The following PCDHA11 variants were observed in gnomAD, a reference collection of about 807,000 sequenced individuals.
The protein encoded by PCDHA11 is protocadherin alpha 11.
In PCDHA11, 61 loss-of-function variants were observed where a neutral mutation model predicts 70.3. The observed-to-expected ratio is 0.87, with a 90% CI of 0.71 to 1.07. The LOEUF is 1.07. Among genes scored for constraint, PCDHA11 ranks in the 50% least tolerant of loss-of-function variants. PCDHA11 has a pLI of 0.00. For missense variants in PCDHA11, 1,324 were observed against 1,237.5 expected, an observed-to-expected ratio of 1.07 and a Z score of -1.05; for synonymous variants, 633 against 555.1, an observed-to-expected ratio of 1.14 and a Z score of -1.97.
intron 1 of PCDHA11, among the ~76,000 whole-genome samples, chr5:140,907,506 A>G (rs1418997042): frequency 2.6e-5 from 4 of 152,234 alleles, no homozygotes; most frequent in Non-Finnish European, 5.9e-5. Flanking sequence ...GTAAGTGTCT[A>G]TTCCAGTGAG....
At chr5:140,904,015 A>G (rs1374371306) in intron 1 of PCDHA11, among the ~76,000 whole-genome samples, 1 of 152,234 alleles carries the variant, frequency 6.6e-6, no homozygotes, top group Non-Finnish European at 1.5e-5. Context: ...ACTTTAAAAA[A>G]TAATGGTATA....
intron 1 of PCDHA11, among the ~76,000 whole-genome samples, chr5:140,975,809 TA>T (rs146252033): frequency 0.06 from 9,090 of 152,310 alleles, 381 homozygotes; most frequent in East Asian, 0.11. Context: ...TTTATAATTT[TA>T]ATAGGAACTG....
In PCDHA11 at chr5:140,869,228, G is replaced by T. The variant is rs782726206; in HGVS notation, c.125G>T (p.Gly42Val). Residue 42 changes from glycine to valine, a missense_variant, in exon 1 of 4, where the codon GGC (glycine) becomes GTC (valine). By Grantham distance (109) the Gly-to-Val change is moderately radical. Transcript: ENST00000398640. ...HYSVSEEAKH[G>V]TFVGRIAQDL... ...TCCGTCTCGGAGGAGGCCAAACACG[G>T]CACCTTCGTGGGCCGCATCGCGCAG... 6.2e-7 allele frequency: 1 copy of T among 1,613,764 alleles called. No homozygotes were observed. Among genetic ancestry groups the T allele is most frequent in the South Asian group, 1.1e-5 (1 of 91,060 alleles).
At chr5:140,986,899 C>G (rs2097217128) in intron 3 of PCDHA11, among the ~76,000 whole-genome samples, 1 of 152,072 alleles carries the variant, frequency 6.6e-6, no homozygotes, top group African/African-American at 2.4e-5. Flanking sequence ...AGGCCCTATC[C>G]TAGACTAATG....
Position 140,869,468 on chromosome 5 carries a change from A to T in PCDHA11, c.365A>T (p.Glu122Val), listed in dbSNP as rs1221686748. ...CTGCAGGTTTTCCATGTGAACGTGGAGGTGAAGGACATTAACGACAACCCG... is the reference window on the plus strand; with the variant it reads ...CTGCAGGTTTTCCATGTGAACGTGGTGGTGAAGGACATTAACGACAACCCG... ...RPLQVFHVNV[E>V]VKDINDNPPV... Residue 122 changes from glutamate to valine, a missense_variant, in exon 1 of 4, where the codon GAG (glutamate) becomes GTG (valine). By Grantham distance (121) the Glu-to-Val change is moderately radical. Transcript: ENST00000398640. The T allele has an allele frequency of 1.9e-5, 31 of 1,614,054 alleles. No homozygotes were observed. Among genetic ancestry groups the T allele is most frequent in the Non-Finnish European group, 2.6e-5 (31 of 1,180,044 alleles).
At chr5:140,886,916 G>A (rs1170747823) in intron 1 of PCDHA11, among the ~76,000 whole-genome samples, 1 of 151,436 alleles carries the variant, frequency 6.6e-6, no homozygotes, top group Non-Finnish European at 1.5e-5. Flanking sequence ...CTTATTGAGT[G>A]TTCTCTATGT....
intron 3 of PCDHA11, among the ~76,000 whole-genome samples, chr5:140,990,165 G>A (rs2097378132): frequency 6.6e-6 from 1 of 152,126 alleles, no homozygotes; most frequent in African/African-American, 2.4e-5. Flanking sequence ...GTTAGGGTAT[G>A]AAAAGGTGAC....
rs1214485732 is a variant in PCDHA11, at chr5:141,010,285, C to T, written c.*348C>T. On this transcript the variant is annotated 3_prime_UTR_variant, in exon 4 of 4. Coordinates refer to ENST00000398640, the MANE Select transcript of PCDHA11 (RefSeq NM_018902.5). The stretch of plus-strand genomic sequence containing the variant: ...CTCCGGGGATCCTGTCTTGATGACA[C>T]TTGCAGGGCAGGCTGAAAAGTTTTG... The T allele has an allele frequency of 1.3e-6, 2 of 1,550,458 alleles. No homozygotes were observed. The highest frequency in any genetic ancestry group is 1.7e-6 in the Non-Finnish European group (2 of 1,146,698).
chr5:140,877,224 G>T, intron 1 of PCDHA11: 1 of 1,613,712 alleles, frequency 6.2e-7, no homozygotes, highest in Non-Finnish European at 8.5e-7. Flanking sequence ...TACCGCGGTC[G>T]GTGGGTGCGG....
chr5:140,985,845 C>T (rs1381097554), intron 3 of PCDHA11, among the ~76,000 whole-genome samples: 1 of 150,700 alleles, frequency 6.6e-6, no homozygotes, highest in African/African-American at 2.4e-5. Flanking sequence ...GTTCATGCCA[C>T]TCTCCTGCCT....
chr5:140,917,249 G>A (rs1439724525), intron 1 of PCDHA11, among the ~76,000 whole-genome samples: 1 of 149,466 alleles, frequency 6.7e-6, no homozygotes, highest in African/African-American at 2.5e-5. Flanking sequence ...TACTACGATT[G>A]CTCACCTGAT....
intron 1 of PCDHA11, chr5:140,928,055 C>T (rs1554205406): frequency 8.1e-6 from 13 of 1,614,066 alleles, no homozygotes; most frequent in South Asian, 3.3e-5. Context: ...TTTCAGCTGA[C>T]GGCTTCCTTT....
chr5:140,884,503 A>C (rs782488569), intron 1 of PCDHA11: 82 of 1,613,940 alleles, frequency 5.1e-5, no homozygotes, highest in Middle Eastern at 1.6e-4. Flanking sequence ...CCAGCGCGGC[A>C]GGGAGTTGGT....
chr5:140,982,582 T>C lies in PCDHA11; in HGVS notation c.2539+19T>C. On this transcript the variant is annotated intron_variant, in intron 3 of 3. Transcript: ENST00000398640. ...ACACCAGGTAAAGAGCTGGGGTCTC[T>C]CCATTCTTTCTTGGTTTCTGGAAAG... 6.2e-7 allele frequency: 1 copy of C among 1,612,148 alleles called. No homozygotes were observed. Among genetic ancestry groups the C allele is most frequent in the Non-Finnish European group, 8.5e-7 (1 of 1,178,720 alleles).
At chr5:140,956,594 T>C (rs2095295015) in intron 1 of PCDHA11, among the ~76,000 whole-genome samples, 1 of 152,210 alleles carries the variant, frequency 6.6e-6, no homozygotes, top group Non-Finnish European at 1.5e-5. Flanking sequence ...TTATCAGGGA[T>C]ATCAGCTGGA....
chr5:140,956,132 C>T (rs782171826), intron 1 of PCDHA11, among the ~76,000 whole-genome samples: 1 of 152,028 alleles, frequency 6.6e-6, no homozygotes, highest in African/African-American at 2.4e-5. Context: ...ATTTGAATAC[C>T]CTTTATTTCT....
chr5:140,934,346 G>T (rs941608404), intron 1 of PCDHA11, among the ~76,000 whole-genome samples: 1 of 152,130 alleles, frequency 6.6e-6, no homozygotes, highest in South Asian at 2.1e-4. Flanking sequence ...CACCAGTACA[G>T]TGTGGAGCCA....
chr5:140,944,003 C>A (rs1185007409), intron 1 of PCDHA11, among the ~76,000 whole-genome samples: 11 of 152,038 alleles, frequency 7.2e-5, no homozygotes, highest in African/African-American at 2.2e-4. Flanking sequence ...CTACTGAGTA[C>A]CCCCCAAAAG....
At chr5:140,943,316 A>G (rs1326467105) in intron 1 of PCDHA11, among the ~76,000 whole-genome samples, 3 of 151,868 alleles carry the variant, frequency 2.0e-5, no homozygotes, top group African/African-American at 4.8e-5. Context: ...ATTATTAGCA[A>G]TATTGTGTAG....
Sources: allele counts gnomAD v4.1 joint callset (sites outside exome capture counted in the v4.1 genomes callset), GRCh38; gene constraint gnomAD v4.1.1; transcripts MANE v1.5; gene names NCBI Gene and HGNC (gene_info 2026-07-23, HGNC 2026-07-21).